COL13A1: variants seen among roughly 807,000 people sequenced by gnomAD.
COL13A1 encodes collagen type XIII alpha 1 chain.
In COL13A1, 89 loss-of-function variants were observed where a neutral mutation model predicts 130.9. The ratio of observed to expected loss-of-function variants is 0.68; its 90% CI spans 0.57 to 0.81. The LOEUF is 0.81. COL13A1 is among the 30% of genes least tolerant of loss of function. The pLI is 0.00. For synonymous variants in COL13A1, 402 were observed against 341.6 expected, an observed-to-expected ratio of 1.18 and a Z score of -1.95; for missense variants, 879 against 934.6, an observed-to-expected ratio of 0.94 and a Z score of 0.78.
intron 1 of COL13A1, among the ~76,000 whole-genome samples, chr10:69,818,360 C>G (rs1845145135): frequency 6.6e-6 from 1 of 152,160 alleles, no homozygotes; most frequent in African/African-American, 2.4e-5. Flanking sequence ...GCCCTTTATA[C>G]CACCCAAATT....
At chr10:69,935,299 T>A (rs2066681352) in intron 31 of COL13A1, 51 bp from the exon 32 acceptor site, 1 of 1,502,902 alleles carries the variant, frequency 6.7e-7, no homozygotes, top group South Asian at 1.2e-5. Context: ...CTAGGCCCTA[T>A]CAGGAGGGAG....
chr10:69,944,058 C>T (rs1315954662), intron 35 of COL13A1, 67 bp from the exon 36 acceptor site: 2 of 1,359,880 alleles, frequency 1.5e-6, no homozygotes, highest in Non-Finnish European at 2.1e-6. Context: ...CTCTAGGCAT[C>T]AGGTGGGGCA....
Position 69,957,075 on chromosome 10 carries a change from C to T in COL13A1, c.2184+33C>T, listed in dbSNP as rs763132614. ...TTCCCATTGGTGTGCACTGGGGCTC[C>T]GTTCTCAGCAGTGCCATAAAGCTTC... On this transcript the variant is annotated intron_variant, in intron 40 of 40. Transcript: ENST00000645393. The T allele has an allele frequency of 2.5e-5, 40 of 1,590,254 alleles. No homozygotes were observed. In the South Asian group the frequency reaches 3.2e-4, roughly 13 times the overall value.
intron 20 of COL13A1, 94 bp from the exon 21 acceptor site, chr10:69,919,571 T>A: frequency 2.5e-6 from 1 of 398,960 alleles, no homozygotes; most frequent in Non-Finnish European, 4.4e-6. Context: ...AAGGGACAAG[T>A]ATTCTGGAAA....
intron 38 of COL13A1, among the ~76,000 whole-genome samples, chr10:69,948,605 C>T (rs951407628): frequency 1.3e-5 from 2 of 152,226 alleles, no homozygotes; most frequent in African/African-American, 4.8e-5. Flanking sequence ...GATCATTCCA[C>T]CTCTTCATTG....
intron 3 of COL13A1, among the ~76,000 whole-genome samples, chr10:69,869,685 G>A (rs577979823): frequency 2.0e-5 from 3 of 152,336 alleles, no homozygotes; most frequent in South Asian, 4.1e-4. Flanking sequence ...TAATCAATTA[G>A]GAGGCTTTTT....
intron 2 of COL13A1, among the ~76,000 whole-genome samples, chr10:69,832,341 C>A (rs975318482): frequency 6.6e-6 from 1 of 152,158 alleles, no homozygotes; most frequent in African/African-American, 2.4e-5. Flanking sequence ...AGTTGGAATC[C>A]CAGCTCTCTG....
chr10:69,935,635 C>T (rs977361879), intron 32 of COL13A1, among the ~76,000 whole-genome samples: 2 of 152,210 alleles, frequency 1.3e-5, no homozygotes, highest in African/African-American at 4.8e-5. Context: ...CCCCAGGGTC[C>T]CTTGTCTCTA....
intron 10 of COL13A1, among the ~76,000 whole-genome samples, chr10:69,893,339 G>A (rs11598413): frequency 0.26 from 38,942 of 152,202 alleles, 6,238 homozygotes; most frequent in Non-Finnish European, 0.36. Flanking sequence ...ACAACAGAGC[G>A]AGACCCTGTC....
Position 69,940,992 on chromosome 10 carries a change from C to G in COL13A1, c.1883C>G (p.Ala628Gly). 6.2e-7 allele frequency: 1 copy of G among 1,613,938 alleles called. No individual in the cohort carries two copies. The highest frequency in any genetic ancestry group is 8.5e-7 in the Non-Finnish European group (1 of 1,179,874). ...CAAACTGTGCCCTTCGTCCAGGGAG[C>G]TTCAGGTTTGGACGGCAGGCCTGGG... ...GDRGPLGLPGASGLDGRPGPP... is the reference protein window; with the variant it reads ...GDRGPLGLPGGSGLDGRPGPP... Residue 628 changes from alanine (A) to glycine (G), a missense_variant, in exon 35 of 41, where the codon GCT becomes GGT. Coordinates refer to ENST00000645393, the MANE Select transcript of COL13A1 (RefSeq NM_001368882.1).
chr10:69,817,589 T>C (rs1844901723), intron 1 of COL13A1, among the ~76,000 whole-genome samples: 1 of 152,072 alleles, frequency 6.6e-6, no homozygotes, highest in Non-Finnish European at 1.5e-5. Context: ...TCTCCCGCTT[T>C]ACCCTGCTGC....
chr10:69,923,911 AGAATCATCCCG>A, intron 24 of COL13A1, 56 bp downstream of exon 24: 1 of 1,584,620 alleles, frequency 6.3e-7, no homozygotes, highest in Non-Finnish European at 8.6e-7. Context: ...TGGGAGGTCA[AGAATCATCCCG>A]GCCGACCCTA....
At chr10:69,859,472 G>A (rs1443203900) in intron 2 of COL13A1, among the ~76,000 whole-genome samples, 4 of 152,212 alleles carry the variant, frequency 2.6e-5, no homozygotes, top group African/African-American at 4.8e-5. Flanking sequence ...TCCGGCAGTC[G>A]CCGGGCAGGG....
intron 2 of COL13A1, 75 bp downstream of exon 2, chr10:69,822,513 T>C (rs1846357855): frequency 1.3e-5 from 15 of 1,132,704 alleles, no homozygotes; most frequent in Non-Finnish European, 1.7e-5. Flanking sequence ...GTGGCCATGC[T>C]CTAGCCACAC....
At chr10:69,837,900 C>T (rs1193611432) in intron 2 of COL13A1, among the ~76,000 whole-genome samples, 1 of 152,210 alleles carries the variant, frequency 6.6e-6, no homozygotes, top group Non-Finnish European at 1.5e-5. Context: ...GCTGGATGTT[C>T]CTCAGAGCAT....
At chr10:69,840,246 AG>A (rs768983355) in intron 2 of COL13A1, among the ~76,000 whole-genome samples, 2 of 152,184 alleles carry the variant, frequency 1.3e-5, no homozygotes, top group Non-Finnish European at 2.9e-5. Flanking sequence ...GCTGGGGGTC[AG>A]GGGCAGGTTT....
At chr10:69,866,231 G>A (rs71480614) in intron 2 of COL13A1, among the ~76,000 whole-genome samples, 2 of 152,152 alleles carry the variant, frequency 1.3e-5, no homozygotes, top group African/African-American at 4.8e-5. Flanking sequence ...ACAACAGGCC[G>A]GGCTGCCCTC....
At chr10:69,954,389 C>T (rs2070229523) in intron 39 of COL13A1, among the ~76,000 whole-genome samples, 1 of 152,238 alleles carries the variant, frequency 6.6e-6, no homozygotes, top group South Asian at 2.1e-4. Flanking sequence ...CAGATACCAG[C>T]TAGGAAAGTG....
At chr10:69,923,032 A>G (rs1470934888) in intron 23 of COL13A1, among the ~76,000 whole-genome samples, 1 of 152,178 alleles carries the variant, frequency 6.6e-6, no homozygotes, top group East Asian at 1.9e-4. Flanking sequence ...GGATGGTCCC[A>G]GTGATTCAGA....
Sources: gnomAD v4.1 joint callset for allele counts (sites outside exome capture counted in the v4.1 genomes callset) on GRCh38, gnomAD v4.1.1 for gene constraint, MANE v1.5 for transcripts, NCBI Gene and HGNC (gene_info 2026-07-23, HGNC 2026-07-21) for gene names.